Variants in RASA3 observed in about 807,000 individuals in gnomAD.
RASA3 encodes the protein RAS p21 protein activator 3.
In RASA3, 73 loss-of-function variants were observed where a neutral mutation model predicts 110.0. The ratio of observed to expected loss-of-function variants is 0.66; its 90% CI spans 0.55 to 0.81. The LOEUF is 0.81. RASA3 is among the 30% of genes least tolerant of loss of function. The pLI, the probability that RASA3 is intolerant of heterozygous loss-of-function variation, is 0.00. For missense variants in RASA3, 976 were observed against 1,113.2 expected, an observed-to-expected ratio of 0.88 and a Z score of 1.75; for synonymous variants, 500 against 451.4, an observed-to-expected ratio of 1.11 and a Z score of -1.37.
intron 22 of RASA3, among the ~76,000 whole-genome samples, chr13:113,990,003 T>G (rs2053070553): frequency 6.6e-6 from 1 of 152,144 alleles, no homozygotes; most frequent in Non-Finnish European, 1.5e-5. Context: ...GGGGACAGAC[T>G]TCCCCATTGC....
At chr13:114,031,017 G>A (rs952643876) in intron 4 of RASA3, among the ~76,000 whole-genome samples, 1 of 152,010 alleles carries the variant, frequency 6.6e-6, no homozygotes, top group Non-Finnish European at 1.5e-5. Flanking sequence ...GTCTGCCTGT[G>A]TGCGTGCAAC....
Position 114,027,856 on chromosome 13 carries a change from C to T in RASA3, c.521G>A (p.Gly174Glu). 2 of 1,613,866 alleles carry T rather than the reference C, an allele frequency of 1.2e-6. No individual in the cohort carries two copies. Among genetic ancestry groups the T allele is most frequent in the Non-Finnish European group, 1.7e-6 (2 of 1,179,936 alleles). The change falls in exon 6 of 24, where the codon GGA becomes GAA. Residue 174 changes from glycine (G) to glutamate (E), a missense_variant. Physicochemically the swap from Gly to Glu is moderately conservative, Grantham distance 98 (BLOSUM62 -2). Coordinates refer to ENST00000334062, the MANE Select transcript of RASA3 (RefSeq NM_007368.4). ...GCGTGAGGCAACTTGCCTGAAGGGT[C>T]CTGCCAGCGTCACGGTGGCGTAGGG... ...CDPYATVTLA[G>E]PFRSEAKKTK...
chr13:114,043,542 A>G (rs1004958023), intron 3 of RASA3, among the ~76,000 whole-genome samples: 2 of 152,144 alleles, frequency 1.3e-5, no homozygotes, highest in Non-Finnish European at 2.9e-5. Context: ...TGGGTTCCTA[A>G]GATCAGCCTG....
chr13:114,029,705 C>T (rs925571026), intron 5 of RASA3, 106 bp downstream of exon 5: 16 of 1,151,246 alleles, frequency 1.4e-5, no homozygotes, highest in African/African-American at 1.2e-4. Flanking sequence ...GGGCAGCCAC[C>T]GGCTCTGGAA....
chr13:114,024,502 G>A (rs555952254), intron 7 of RASA3, 147 bp from the exon 8 acceptor site: 14 of 743,736 alleles, frequency 1.9e-5, no homozygotes, highest in Middle Eastern at 4.0e-4. Flanking sequence ...GGCGGGATTC[G>A]GGATTCAGGC....
intron 15 of RASA3, among the ~76,000 whole-genome samples, chr13:114,012,734 C>CCCCACTCCACACACACTA: frequency 6.8e-6 from 1 of 147,240 alleles, no homozygotes; most frequent in Non-Finnish European, 1.5e-5. Context: ...CACACACACT[C>CCCCACTCCACACACACTA]CCCACTCACT....
At chr13:113,998,301 AGCCCTCCTCTTCCCAT>A (rs1304964815) in intron 20 of RASA3, among the ~76,000 whole-genome samples, 1 of 150,822 alleles carries the variant, frequency 6.6e-6, no homozygotes, top group Non-Finnish European at 1.5e-5. Context: ...TCCTCTTCCC[AGCCCTCCTCTTCCCAT>A]GCCCTCCTCT....
chr13:113,994,997 T>C (rs922555952), intron 21 of RASA3, among the ~76,000 whole-genome samples: 1 of 152,098 alleles, frequency 6.6e-6, no homozygotes, highest in South Asian at 2.1e-4. Context: ...TAAAAAAGCA[T>C]CCCCGAGCTG....
At chr13:114,037,850 C>T (rs9525344) in intron 4 of RASA3, among the ~76,000 whole-genome samples, 20,494 of 152,052 alleles carry the variant, frequency 0.13, 1,775 homozygotes, top group Middle Eastern at 0.21. Flanking sequence ...CTGGGGAAGC[C>T]GGGAGAAGGG....
chr13:114,044,966 T>C (rs118091069), intron 3 of RASA3, among the ~76,000 whole-genome samples: 2,240 of 152,208 alleles, frequency 0.015, 135 homozygotes, highest in Admixed American at 0.1. Flanking sequence ...AATTTTTTAA[T>C]AGGTAACACA....
At chr13:114,039,441 A>C (rs2054350177) in intron 4 of RASA3, among the ~76,000 whole-genome samples, 1 of 151,980 alleles carries the variant, frequency 6.6e-6, no homozygotes, top group Non-Finnish European at 1.5e-5. Flanking sequence ...TCAGACGCTC[A>C]CTGCGGTCCC....
chr13:113,996,407 A>C, intron 21 of RASA3, 124 bp downstream of exon 21: 1 of 1,006,064 alleles, frequency 9.9e-7, no homozygotes, highest in Non-Finnish European at 1.4e-6. Context: ...GGAGGAGGCG[A>C]GGGCAGCCCT....
At chr13:113,992,692 G>A (rs949714774) in intron 21 of RASA3, 104 bp from the exon 22 acceptor site, 7 of 899,794 alleles carry the variant, frequency 7.8e-6, no homozygotes, top group Non-Finnish European at 1.0e-5. Flanking sequence ...GACAACGATT[G>A]TGTTGGAAGT....
intron 11 of RASA3, 151 bp from the exon 12 acceptor site, chr13:114,017,502 G>A: frequency 1.5e-6 from 1 of 675,760 alleles, no homozygotes; most frequent in East Asian, 2.7e-5. Context: ...AGCACAACCA[G>A]GCCAGGTGCT....
At chr13:113,996,958 G>A (rs1269379809) in intron 20 of RASA3, among the ~76,000 whole-genome samples, 1 of 152,254 alleles carries the variant, frequency 6.6e-6, no homozygotes, top group Non-Finnish European at 1.5e-5. Flanking sequence ...CTGGGGCCGT[G>A]GGGAATGGAG....
chr13:113,988,835 G>T (rs1256075545), intron 22 of RASA3, among the ~76,000 whole-genome samples: 1 of 99,482 alleles, frequency 1.0e-5, no homozygotes, highest in African/African-American at 4.2e-5. Context: ...CCCATCACTC[G>T]TCCATTGCTC....
intron 1 of RASA3, among the ~76,000 whole-genome samples, chr13:114,092,500 GT>G (rs1258844653): frequency 6.6e-6 from 1 of 152,066 alleles, no homozygotes; most frequent in African/African-American, 2.4e-5. Context: ...ATGGTTTCTA[GT>G]TTTTTTGATT....
chr13:114,132,421 C>T lies in RASA3; in HGVS notation c.55+14G>A. ...GCCGGGGGGTCGGACGCGTGGCTGC[C>T]GGCGGACACTCACCGATCTTGATCT... On this transcript the variant is annotated intron_variant, in intron 1 of 23. Coordinates refer to ENST00000334062, the MANE Select transcript of RASA3 (RefSeq NM_007368.4). 8 of 1,516,120 alleles carry T rather than the reference C, an allele frequency of 5.3e-6. No individual in the cohort carries two copies. Among genetic ancestry groups the T allele is most frequent in the Non-Finnish European group, 5.3e-6 (6 of 1,138,816 alleles). The allele number at this position is 1,516,120 out of a possible 1,614,324, so 93.9% of individuals were successfully genotyped here.
At chr13:114,082,946 T>G (rs2079806382) in intron 1 of RASA3, among the ~76,000 whole-genome samples, 1 of 152,234 alleles carries the variant, frequency 6.6e-6, no homozygotes, top group South Asian at 2.1e-4. Flanking sequence ...CAAACTCTTG[T>G]CTCTAAGCCA....
Sources: gnomAD v4.1 joint callset for allele counts (sites outside exome capture counted in the v4.1 genomes callset) on GRCh38, gnomAD v4.1.1 for gene constraint, MANE v1.5 for transcripts, NCBI Gene and HGNC (gene_info 2026-07-23, HGNC 2026-07-21) for gene names.